Variants in GRID2 observed in about 807,000 individuals in gnomAD.
GRID2 encodes glutamate ionotropic receptor delta type subunit 2.
In GRID2, 33 loss-of-function variants were observed where a neutral mutation model predicts 114.8. The ratio of observed to expected loss-of-function variants is 0.29; its 90% CI spans 0.22 to 0.38. The LOEUF is 0.38. GRID2 is among the 10% of genes least tolerant of loss of function. The pLI is 1.00. For missense variants in GRID2, 1,184 were observed against 1,257.7 expected (o/e 0.94, Z 0.89); for synonymous variants, 505 against 449.9 (o/e 1.12, Z -1.55).
chr4:92,779,495 G>A (rs546475031), intron 2 of GRID2, among the ~76,000 whole-genome samples: 10 of 151,982 alleles, frequency 6.6e-5, no homozygotes, highest in Admixed American at 3.3e-4. Flanking sequence ...TTATTCTCTC[G>A]CACACCAAAT....
chr4:93,405,834 A>G (rs1413445676), intron 9 of GRID2, among the ~76,000 whole-genome samples: 2 of 152,140 alleles, frequency 1.3e-5, no homozygotes, highest in African/African-American at 4.8e-5. Context: ...TTCCACATAA[A>G]ATTCTTCAGA....
At chr4:92,913,784 T>TAA (rs140699769) in intron 2 of GRID2, among the ~76,000 whole-genome samples, 2,678 of 152,024 alleles carry the variant, frequency 0.018, 29 homozygotes, top group East Asian at 0.054. Flanking sequence ...AACGTTTCAC[T>TAA]AAGTCACTCA....
intron 8 of GRID2, among the ~76,000 whole-genome samples, chr4:93,298,749 ATCT>A (rs1754570189): frequency 6.6e-6 from 1 of 152,222 alleles, no homozygotes; most frequent in Non-Finnish European, 1.5e-5. Context: ...TTCCTGACAT[ATCT>A]TCTTAATTCC....
intron 14 of GRID2, among the ~76,000 whole-genome samples, chr4:93,678,684 A>G (rs553626407): frequency 3.9e-4 from 59 of 152,100 alleles, no homozygotes; most frequent in Non-Finnish European, 6.8e-4. Context: ...ACTAAGCTTC[A>G]TAAGTGAAGG....
chr4:93,726,747 A>G (rs1168968651), intron 14 of GRID2, among the ~76,000 whole-genome samples: 28 of 152,202 alleles, frequency 1.8e-4, no homozygotes, highest in African/African-American at 5.1e-4. Flanking sequence ...CTTTGAAGCA[A>G]TTGTGAATGG....
chr4:93,547,480 G>A (rs190869256), intron 13 of GRID2, among the ~76,000 whole-genome samples: 2 of 152,260 alleles, frequency 1.3e-5, no homozygotes, highest in Non-Finnish European at 2.9e-5. Flanking sequence ...TTCACAGAAG[G>A]ACCATTCCTC....
intron 14 of GRID2, among the ~76,000 whole-genome samples, chr4:93,741,999 T>A (rs1354340988): frequency 6.6e-6 from 1 of 151,652 alleles, no homozygotes; most frequent in Non-Finnish European, 1.5e-5. Context: ...ATTGAACCAC[T>A]AACTATGGCC....
At chr4:93,578,585 G>GTTTT (rs1736642083) in intron 13 of GRID2, among the ~76,000 whole-genome samples, 3 of 115,256 alleles carry the variant, frequency 2.6e-5, no homozygotes, top group African/African-American at 1.1e-4. Context: ...CTTGTTTTTT[G>GTTTT]TATTTTTTTT....
At chr4:93,627,126 T>C (rs1560836665) in intron 14 of GRID2, among the ~76,000 whole-genome samples, 1 of 152,198 alleles carries the variant, frequency 6.6e-6, no homozygotes, top group Non-Finnish European at 1.5e-5. Context: ...CTGCATTTCA[T>C]TATATCTCCT....
chr4:92,893,164 A>AT (rs1251063427), intron 2 of GRID2, among the ~76,000 whole-genome samples: 8 of 151,944 alleles, frequency 5.3e-5, no homozygotes, highest in Admixed American at 2.0e-4. Context: ...CAGAATGTAG[A>AT]TTTTTTTTCT....
At chr4:92,508,226 A>C (rs893624457) in intron 1 of GRID2, among the ~76,000 whole-genome samples, 7 of 151,892 alleles carry the variant, frequency 4.6e-5, no homozygotes, top group Non-Finnish European at 1.0e-4. Flanking sequence ...TCATTATAGC[A>C]CTTATTGCAT....
intron 2 of GRID2, among the ~76,000 whole-genome samples, chr4:92,815,179 C>T (rs1297464554): frequency 6.6e-6 from 1 of 152,020 alleles, no homozygotes; most frequent in East Asian, 1.9e-4. Flanking sequence ...TATATTTCTC[C>T]ATCATATTCT....
chr4:92,604,961 T>C (rs1182058917), intron 2 of GRID2, among the ~76,000 whole-genome samples: 1 of 150,632 alleles, frequency 6.6e-6, no homozygotes. Context: ...GCTGTTCTCC[T>C]GATAGTGAGT....
At chr4:92,760,369 G>GT (rs1737944116) in intron 2 of GRID2, among the ~76,000 whole-genome samples, 1 of 151,414 alleles carries the variant, frequency 6.6e-6, no homozygotes, top group Non-Finnish European at 1.5e-5. Context: ...TGGGAAGATT[G>GT]TAAGCAGAAG....
At chr4:93,194,507 A>G (rs536602121) in intron 4 of GRID2, among the ~76,000 whole-genome samples, 29 of 152,098 alleles carry the variant, frequency 1.9e-4, no homozygotes, top group African/African-American at 6.7e-4. Context: ...CTGCTGGACT[A>G]TTATGTGTGG....
chr4:92,854,295 G>T (rs1416884142), intron 2 of GRID2, among the ~76,000 whole-genome samples: 2 of 151,878 alleles, frequency 1.3e-5, no homozygotes, highest in Non-Finnish European at 2.9e-5. Context: ...TCCAATAGAA[G>T]ACTTATTACT....
intron 14 of GRID2, among the ~76,000 whole-genome samples, chr4:93,668,092 A>G (rs1397982376): frequency 6.6e-6 from 1 of 152,036 alleles, no homozygotes; most frequent in East Asian, 1.9e-4. Context: ...CTTGTTATGC[A>G]TTAGCTATGG....
chr4:92,900,969 C>A (rs887736578), intron 2 of GRID2, among the ~76,000 whole-genome samples: 39 of 108,264 alleles, frequency 3.6e-4, no homozygotes, highest in Non-Finnish European at 3.6e-4. Flanking sequence ...TTTCTTTATC[C>A]AGTCATCTGT....
chr4:92,605,050 G>T lies in GRID2; in HGVS notation c.244+14764G>T, dbSNP rs927962186. Among the ~76,000 whole-genome samples, 4 of 152,006 alleles carry T rather than the reference G, an allele frequency of 2.6e-5. No homozygotes were observed. The East Asian group carries it at 7.7e-4, about 29-fold the overall frequency. ...CTCCTTCCTGATACCTTGTGAAGAA[G>T]ATGCCTTGCTTCCCCTCCACCTTCT... On this transcript the variant is annotated intron_variant, in intron 2 of 15. Coordinates refer to ENST00000282020, the MANE Select transcript of GRID2 (RefSeq NM_001510.4).
Sources: allele counts gnomAD v4.1 joint callset (sites outside exome capture counted in the v4.1 genomes callset), GRCh38; gene constraint gnomAD v4.1.1; transcripts MANE v1.5; gene names NCBI Gene and HGNC (gene_info 2026-07-23, HGNC 2026-07-21).